TFEC: variants seen among roughly 807,000 people sequenced by gnomAD.
The protein encoded by TFEC is class E basic helix-loop-helix protein 34.
Under a neutral mutation model 41.6 loss-of-function variants are expected in TFEC, and 31 were observed. That is an observed-to-expected ratio of 0.74 (90% confidence interval 0.56 to 1.01). The LOEUF is 1.01. Ranked by LOEUF, TFEC falls within the 50% of genes least tolerant of loss-of-function variation. The pLI is 0.00. For missense variants in TFEC, 402 were observed against 404.1 expected, an observed-to-expected ratio of 0.99 and a Z score of 0.04; for synonymous variants, 143 against 140.6, an observed-to-expected ratio of 1.02 and a Z score of -0.12.
intron 3 of TFEC, among the ~76,000 whole-genome samples, chr7:116,067,386 G>A (rs952306362): frequency 6.6e-6 from 1 of 151,974 alleles, no homozygotes; most frequent in African/African-American, 2.4e-5. Context: ...CCTCCAGTGA[G>A]ATGTTGACCA....
At chr7:116,022,091 G>A (rs529865784) in intron 1 of TFEC, among the ~76,000 whole-genome samples, 2 of 152,134 alleles carry the variant, frequency 1.3e-5, no homozygotes, top group Non-Finnish European at 2.9e-5. Context: ...CCCACCTCTT[G>A]ACATGTCCTG....
Position 115,974,174 on chromosome 7 carries a change from C to A in TFEC, c.263G>T (p.Arg88Ile), listed in dbSNP as rs367653280. ...CTTGGGTCTGAAAGCACTTACTGTT[C>A]TTTGCATTAGCAGAGGAGAGTCTGC... is the stretch of plus-strand genomic sequence containing the variant. ...EGADSPLLMQ[R>I]TLSGSILDVY... The change falls in exon 3 of 8, where the codon AGA becomes ATA. Residue 88 changes from arginine (R) to isoleucine (I), a missense_variant. By Grantham distance (97) the Arg-to-Ile change is moderately conservative. Transcript: ENST00000265440. 6.3e-7 allele frequency: 1 copy of A among 1,592,962 alleles called. No individual in the cohort carries two copies. The highest frequency in any genetic ancestry group is 8.5e-7 in the Non-Finnish European group (1 of 1,171,430).
chr7:116,001,743 A>G (rs1201661217), intron 1 of TFEC, among the ~76,000 whole-genome samples: 1 of 152,190 alleles, frequency 6.6e-6, no homozygotes, highest in African/African-American at 2.4e-5. Context: ...TTTGCAAACT[A>G]GTCATCTGAC....
Position 115,940,652 on chromosome 7 carries a change from G to A in TFEC, c.943C>T (p.Pro315Ser), listed in dbSNP as rs760462066. 3.1e-6 allele frequency: 5 copies of A among 1,613,574 alleles called. No homozygotes were observed. The South Asian group carries it at 3.3e-5, about 11-fold the overall frequency. ...DGMLLDDTISPFGTDPLLSAT... is the reference protein window; with the variant it reads ...DGMLLDDTISSFGTDPLLSAT... The stretch of plus-strand genomic sequence containing the variant: ...GATAGCAGAGGATCTGTTCCAAATG[G>A]AGAGATTGTGTCATCCAATAGCATG... The change falls in exon 8 of 8, where the codon CCA becomes TCA. Residue 315 changes from proline (P) to serine (S), a missense_variant. By Grantham distance (74) the Pro-to-Ser change is moderately conservative (BLOSUM62 -1). Transcript: ENST00000265440.
intron 1 of TFEC, among the ~76,000 whole-genome samples, chr7:116,013,719 G>T (rs1330759303): frequency 2.6e-5 from 4 of 152,018 alleles, no homozygotes; most frequent in African/African-American, 9.7e-5. Flanking sequence ...TTTAAATCCA[G>T]TCCTCATTAC....
chr7:116,142,350 G>T (rs765504983), intron 1 of TFEC, among the ~76,000 whole-genome samples: 4 of 152,140 alleles, frequency 2.6e-5, no homozygotes, highest in Non-Finnish European at 5.9e-5. Flanking sequence ...TAAGAATACT[G>T]ATAAGACTCG....
At chr7:116,132,799 G>C (rs1230324586) in intron 1 of TFEC, among the ~76,000 whole-genome samples, 2 of 152,146 alleles carry the variant, frequency 1.3e-5, no homozygotes. Flanking sequence ...TAGAATATTA[G>C]TTAGCTGGAA....
chr7:116,137,537 A>G (rs1290797122), intron 1 of TFEC, among the ~76,000 whole-genome samples: 1 of 152,136 alleles, frequency 6.6e-6, no homozygotes, highest in Non-Finnish European at 1.5e-5. Flanking sequence ...CTTTCCAACT[A>G]TGAATTGGGT....
intron 3 of TFEC, among the ~76,000 whole-genome samples, chr7:116,076,747 T>C (rs913336094): frequency 6.6e-6 from 1 of 152,008 alleles, no homozygotes; most frequent in Non-Finnish European, 1.5e-5. Context: ...TATTTAAAAA[T>C]GAACAAAGCC....
intron 3 of TFEC, among the ~76,000 whole-genome samples, chr7:116,048,848 T>C (rs1330915983): frequency 4.6e-5 from 7 of 152,168 alleles, no homozygotes; most frequent in African/African-American, 1.2e-4. Flanking sequence ...AAGAAAAGAA[T>C]TTTCAACCAA....
intron 3 of TFEC, among the ~76,000 whole-genome samples, chr7:116,083,988 T>A (rs1157834315): frequency 6.6e-6 from 1 of 151,942 alleles, no homozygotes; most frequent in Admixed American, 6.6e-5. Flanking sequence ...ATTACGAACA[T>A]TCTTTGATGT....
At chr7:116,148,017 A>G (rs1420035631) in intron 1 of TFEC, among the ~76,000 whole-genome samples, 1 of 152,220 alleles carries the variant, frequency 6.6e-6, no homozygotes, top group African/African-American at 2.4e-5. Context: ...AAGATTGACA[A>G]GTAGCAGAGG....
intron 1 of TFEC, among the ~76,000 whole-genome samples, chr7:116,154,699 CTGTTT>C: frequency 6.6e-6 from 1 of 152,232 alleles, no homozygotes; most frequent in South Asian, 2.1e-4. Context: ...CTCCCAGGTT[CTGTTT>C]TATTATCACA....
At chr7:115,966,497 A>C (rs1268987525) in intron 3 of TFEC, among the ~76,000 whole-genome samples, 1 of 151,724 alleles carries the variant, frequency 6.6e-6, no homozygotes, top group Non-Finnish European at 1.5e-5. Context: ...ACTATATCTC[A>C]AGTAATCTTT....
chr7:115,941,947 T>A lies in TFEC; in HGVS notation c.609A>T (p.Glu203Asp). 6.2e-7 allele frequency: 1 copy of A among 1,613,254 alleles called. No homozygotes were observed. Among genetic ancestry groups the A allele is most frequent in the Non-Finnish European group, 8.5e-7 (1 of 1,179,452 alleles). ...CCTGCTCTAATTTCTTCTGTCTGTG[T>A]TCCAATTCTCGGGCTCTCTGTTGTT... ...QKEQQRAREL[E>D]HRQKKLEQAN... Residue 203 changes from glutamate to aspartate, a missense_variant, in exon 7 of 8, where the codon GAA becomes GAT. Physicochemically the swap from Glu to Asp is conservative, Grantham distance 45. Transcript: ENST00000265440.
Position 115,942,021 on chromosome 7 carries a change from C to T in TFEC, c.535G>A (p.Gly179Arg), listed in dbSNP as rs754098759. Residue 179 changes from glycine to arginine, a missense_variant, in exon 7 of 8, where the codon GGA becomes AGA. By Grantham distance (125) the Gly-to-Arg change is moderately radical (BLOSUM62 -2). Transcript: ENST00000265440. The stretch of plus-strand genomic sequence containing the variant: ...TCCACTGATGCTTTTAGAATGGTTC[C>T]TTTGTTCCAGCGCATATCACTGTAG... ...SNDPDMRWNKGTILKASVEYI... is the reference protein window; with the variant it reads ...SNDPDMRWNKRTILKASVEYI... The T allele has an allele frequency of 6.2e-7, 1 of 1,612,446 alleles. No individual in the cohort carries two copies. Among genetic ancestry groups the T allele is most frequent in the African/African-American group, 1.3e-5 (1 of 74,794 alleles).
chr7:116,154,799 T>C (rs1798833256), intron 1 of TFEC, among the ~76,000 whole-genome samples: 1 of 152,180 alleles, frequency 6.6e-6, no homozygotes, highest in Admixed American at 6.6e-5. Flanking sequence ...ATAAGAGGCA[T>C]TGGTGCAAGA....
chr7:116,023,033 G>A (rs753068778), intron 1 of TFEC, among the ~76,000 whole-genome samples: 15 of 150,790 alleles, frequency 9.9e-5, no homozygotes, highest in Non-Finnish European at 1.8e-4. Context: ...TTAAGAGCCC[G>A]TAATATAACA....
rs967559942 is a variant in TFEC at position 116,092,708 on chromosome 7, T to A, written c.198+18000A>T. Among the ~76,000 whole-genome samples, 4 of 152,266 alleles carry A rather than the reference T, an allele frequency of 2.6e-5. No homozygotes were observed. The South Asian group carries it at 6.2e-4, about 24-fold the overall frequency. On this transcript the variant is annotated intron_variant, in intron 3 of 8. Coordinates refer to the TFEC transcript ENST00000484212. ...TACATTTAATTAATTTGTTTGGGCA[T>A]TCTCCACCAACTACACAAGGCATAT...
Sources: gnomAD v4.1 joint callset for allele counts (sites outside exome capture counted in the v4.1 genomes callset) on GRCh38, gnomAD v4.1.1 for gene constraint, MANE v1.5 for transcripts, NCBI Gene and HGNC (gene_info 2026-07-23, HGNC 2026-07-21) for gene names.